GGT7: variants seen among roughly 807,000 people sequenced by gnomAD.
GGT7 encodes the protein glutathione hydrolase 7.
A neutral mutation model predicts 69.2 loss-of-function variants in GGT7; 30 were observed. The ratio of observed to expected loss-of-function variants is 0.43; its 90% CI spans 0.32 to 0.59. The LOEUF is 0.59. GGT7 is among the 20% of genes least tolerant of loss of function. GGT7 has a pLI of 0.05. For synonymous variants in GGT7, 388 were observed against 391.8 expected, an observed-to-expected ratio of 0.99 and a Z score of 0.12; for missense variants, 733 against 901.1, an observed-to-expected ratio of 0.81 and a Z score of 2.39.
intron 6 of GGT7, 23 bp from the exon 7 acceptor site, chr20:34,859,662 G>A: frequency 1.3e-6 from 2 of 1,553,392 alleles, no homozygotes; most frequent in East Asian, 2.3e-5. Context: ...ACGGGAGGCT[G>A]GGCAGGGCGG....
At position 34,866,689 on chromosome 20, in the gene GGT7, C is replaced by T. The variant is rs574974155; in HGVS notation, c.170-3141G>A. Among the ~76,000 whole-genome samples the T allele has an allele frequency of 2.6e-5, 4 of 152,144 alleles. No homozygotes were observed. The East Asian group carries it at 7.7e-4, about 29-fold the overall frequency. On this transcript the variant is annotated intron_variant, in intron 1 of 14. Transcript: ENST00000336431. ...CCATCTCCCAGGTTCAAGTGATTCT[C>T]CTGCCTCAGTCTCCTGAGTAGCTGG...
chr20:34,856,965 G>T, intron 7 of GGT7, 72 bp from the exon 8 acceptor site: 1 of 911,056 alleles, frequency 1.1e-6, no homozygotes, highest in Non-Finnish European at 1.8e-6. Flanking sequence ...AACACGTTTG[G>T]ATCACAGACA....
intron 1 of GGT7, among the ~76,000 whole-genome samples, chr20:34,867,066 G>C (rs541375241): frequency 1.3e-5 from 2 of 151,838 alleles, no homozygotes; most frequent in East Asian, 1.9e-4. Flanking sequence ...GAAATGTCTT[G>C]TTGTTGTTGT....
At chr20:34,868,305 T>G (rs954329819) in intron 1 of GGT7, among the ~76,000 whole-genome samples, 1 of 152,224 alleles carries the variant, frequency 6.6e-6, no homozygotes, top group Non-Finnish European at 1.5e-5. Flanking sequence ...ATAAAAATAT[T>G]TACTGAGTAC....
chr20:34,869,507 G>A (rs867425003), intron 1 of GGT7, among the ~76,000 whole-genome samples: 1 of 152,210 alleles, frequency 6.6e-6, no homozygotes, highest in East Asian at 1.9e-4. Flanking sequence ...GGAGTGACAT[G>A]ACCAGAAGCG....
At position 34,863,836 on chromosome 20, in the gene GGT7, G is replaced by GAAC; in HGVS notation, c.170-291_170-289dup. The GAAC allele has an allele frequency of 1.6e-6, 1 of 631,176 alleles. No individual in the cohort carries two copies. 39.1% of individuals were successfully genotyped at this position (631,176 alleles called of 1,614,324 possible). ...CCTGGCACCCAGGGCCCAGGGCTGA[G>GAAC]AACACTTCCTGGGGGGTGGGGTGGG... On this transcript the variant is annotated intron_variant, in intron 1 of 14. Transcript: ENST00000336431. This position sits in a 1 kb window ranked among gnomAD's most constrained non-coding sequence, Gnocchi z 4.4.
intron 14 of GGT7, among the ~76,000 whole-genome samples, chr20:34,847,527 T>G (rs1465324494): frequency 1.3e-5 from 2 of 152,250 alleles, no homozygotes; most frequent in African/African-American, 4.8e-5. Flanking sequence ...TAGCATTAAA[T>G]CACTTAATCG....
chr20:34,856,033 T>A (rs2146901212), intron 8 of GGT7, among the ~76,000 whole-genome samples: 1 of 152,286 alleles, frequency 6.6e-6, no homozygotes, highest in East Asian at 1.9e-4. Flanking sequence ...GCTCAAGTGA[T>A]CCTCCTGCCT....
chr20:34,864,818 G>C (rs2079662854), intron 1 of GGT7, among the ~76,000 whole-genome samples: 1 of 151,918 alleles, frequency 6.6e-6, no homozygotes. Context: ...CACTACTCGA[G>C]AGGCTATTTT....
intron 7 of GGT7, among the ~76,000 whole-genome samples, chr20:34,857,657 G>A (rs565432764): frequency 7.7e-5 from 10 of 129,658 alleles, no homozygotes; most frequent in African/African-American, 1.2e-4. Context: ...TCATTCTGTC[G>A]CCCAGGCTGG....
In GGT7 at chr20:34,863,058, G is replaced by C; in HGVS notation, c.406-93C>G. 7.8e-7 allele frequency: 1 copy of C among 1,286,358 alleles called. No homozygotes were observed. Among genetic ancestry groups the C allele is most frequent in the Non-Finnish European group, 1.1e-6 (1 of 928,208 alleles). The allele number at this position is 1,286,358 out of a possible 1,614,324, so 79.7% of individuals were successfully genotyped here. On this transcript the variant is annotated intron_variant, in intron 2 of 14. Transcript: ENST00000336431. This position sits in a 1 kb window ranked among gnomAD's most constrained non-coding sequence, Gnocchi z 4.4. ...GCCCTAGAACTCTACGCGGCATGAA[G>C]GTCGAAGCCCTGCCCCCTTGTTGCC...
Position 34,859,849 on chromosome 20 carries a change from G to A in GGT7, c.817+120C>T. 2.2e-5 allele frequency: 18 copies of A among 831,448 alleles called. No individual in the cohort carries two copies. The South Asian group carries it at 2.6e-4, about 12-fold the overall frequency. 51.5% of individuals were successfully genotyped at this position (831,448 alleles called of 1,614,324 possible). On this transcript the variant is annotated intron_variant, in intron 6 of 14. Transcript: ENST00000336431. ...TCCAGGTGAGGGTGGGATAAGGTGGGGAGGGGGTCTGAGGAGCAAACTGGA... is the reference window on the plus strand; with the variant it reads ...TCCAGGTGAGGGTGGGATAAGGTGGAGAGGGGGTCTGAGGAGCAAACTGGA...
At chr20:34,853,768 T>C (rs1026120110) in intron 10 of GGT7, among the ~76,000 whole-genome samples, 1 of 152,150 alleles carries the variant, frequency 6.6e-6, no homozygotes, top group Non-Finnish European at 1.5e-5. Flanking sequence ...AGCCCCCTTG[T>C]AGAAACAGAT....
intron 10 of GGT7, 132 bp downstream of exon 10, chr20:34,854,399 T>C: frequency 1.6e-6 from 1 of 617,698 alleles, no homozygotes. Context: ...CAGTGTCACG[T>C]TGTGAGTTGG....
rs890086524 is a variant in GGT7, at chr20:34,846,464, C to T, written c.1826-973G>A. 6.0e-5 allele frequency among the ~76,000 whole-genome samples: 9 copies of T among 150,474 alleles called. No homozygotes were observed. The South Asian group carries it at 8.7e-4, about 15-fold the overall frequency. On this transcript the variant is annotated intron_variant, in intron 14 of 14. Transcript: ENST00000336431. ...GATAACAGGCTTGCGCCACCACACC[C>T]GGCTAATTTTCTATTTTTTTTTTTT...
intron 1 of GGT7, among the ~76,000 whole-genome samples, chr20:34,870,982 G>A (rs924414992): frequency 6.6e-6 from 1 of 151,738 alleles, no homozygotes; most frequent in African/African-American, 2.4e-5. Flanking sequence ...AGTAGAGATG[G>A]GGTTTCACCA....
chr20:34,845,155 A>ACCACG lies in GGT7; in HGVS notation c.*172_*173insCGTGG. ...CCACCACCACCACCACCACCACCAC[A>ACCACG]GGCCTCCTGATGGAGAATTTTCCAG... On this transcript the variant is annotated 3_prime_UTR_variant, in exon 15 of 15. Transcript: ENST00000336431. 2 of 157,674 alleles carry ACCACG rather than the reference A, an allele frequency of 1.3e-5. No homozygotes were observed. The highest frequency in any genetic ancestry group is 6.1e-5 in the South Asian group (1 of 16,526). The allele number at this position is 157,674 out of a possible 1,614,324, so 9.8% of individuals were successfully genotyped here.
In GGT7 at chr20:34,862,794, C is replaced by G. The variant is rs1329747642; in HGVS notation, c.557+20G>C. On this transcript the variant is annotated intron_variant, in intron 3 of 14. Coordinates refer to ENST00000336431, the MANE Select transcript of GGT7 (RefSeq NM_178026.3). ...GGCAAGAAGTAGGCCTGGGGGACCCCGACCTCCACTGCTCCTTACCCGCCC... is the reference window on the plus strand; with the variant it reads ...GGCAAGAAGTAGGCCTGGGGGACCCGGACCTCCACTGCTCCTTACCCGCCC... 1.2e-6 allele frequency: 2 copies of G among 1,613,162 alleles called. No individual in the cohort carries two copies. The highest frequency in any genetic ancestry group is 1.3e-5 in the African/African-American group (1 of 74,870).
At chr20:34,855,015 A>T in intron 8 of GGT7, 92 bp from the exon 9 acceptor site, 1 of 1,255,616 alleles carries the variant, frequency 8.0e-7, no homozygotes, top group Non-Finnish European at 1.1e-6. Context: ...TCACACACTG[A>T]GACCACTGCG....
Sources: allele counts gnomAD v4.1 joint callset (sites outside exome capture counted in the v4.1 genomes callset), GRCh38; gene constraint gnomAD v4.1.1; non-coding constraint Gnocchi (gnomAD v3.1); transcripts MANE v1.5; gene names NCBI Gene and HGNC (gene_info 2026-07-23, HGNC 2026-07-21).